MICAL2: variants seen among roughly 807,000 people sequenced by gnomAD.
MICAL2 encodes microtubule associated monooxygenase, calponin and LIM domain containing 2, also known as [F-actin]-monooxygenase MICAL2.
Under a neutral mutation model 127.3 loss-of-function variants are expected in MICAL2, and 77 were observed. The observed-to-expected ratio is 0.60, with a 90% confidence interval of 0.50 to 0.73. The LOEUF (loss-of-function observed/expected upper bound fraction) is 0.73, where lower values mean the gene tolerates loss of function less well. MICAL2 is among the 30% of genes least tolerant of loss of function. The pLI, the probability that MICAL2 is intolerant of heterozygous loss-of-function variation, is 0.00. For missense variants in MICAL2, 1,351 were observed against 1,434.4 expected (o/e 0.94, Z 0.94); for synonymous variants, 570 against 551.1 (o/e 1.03, Z -0.48).
chr11:12,158,396 T>C (rs557131556), intron 2 of MICAL2, among the ~76,000 whole-genome samples: 6 of 152,096 alleles, frequency 3.9e-5, no homozygotes, highest in African/African-American at 7.2e-5. Context: ...ACATACATGA[T>C]CTCACTGATT....
chr11:12,346,218 C>T (rs145307606), intron 32 of MICAL2, among the ~76,000 whole-genome samples: 28 of 152,300 alleles, frequency 1.8e-4, no homozygotes, highest in African/African-American at 6.0e-4. Flanking sequence ...TGCACTGGCT[C>T]ATGGCTGGAC....
intron 1 of MICAL2, among the ~76,000 whole-genome samples, chr11:12,133,818 C>A (rs1284937554): frequency 1.3e-5 from 2 of 152,192 alleles, no homozygotes; most frequent in Non-Finnish European, 2.9e-5. Flanking sequence ...CAAGGATGCA[C>A]CTGAGCTGTC....
exon 2 of MICAL2, chr11:12,280,970 T>C: frequency 2.5e-6 from 1 of 398,972 alleles, no homozygotes; most frequent in Non-Finnish European, 4.4e-6. Flanking sequence ...CAGCGAGGGC[T>C]CCCACACAGA....
intron 15 of MICAL2, among the ~76,000 whole-genome samples, chr11:12,230,266 C>A (rs766575687): frequency 1.3e-5 from 2 of 152,202 alleles, no homozygotes; most frequent in African/African-American, 4.8e-5. Context: ...GAGTCCACCT[C>A]GGTCTGGTCC....
intron 1 of MICAL2, among the ~76,000 whole-genome samples, chr11:12,127,749 CAT>C (rs1231129022): frequency 6.6e-6 from 1 of 152,132 alleles, no homozygotes; most frequent in East Asian, 1.9e-4. Flanking sequence ...AGAGGAGTGA[CAT>C]GTGTGGGGAG....
intron 1 of MICAL2, among the ~76,000 whole-genome samples, chr11:12,129,442 G>A (rs906582806): frequency 1.3e-4 from 20 of 152,200 alleles, no homozygotes. Context: ...GCTCCAAAAC[G>A]TGCAAGTGGA....
intron 16 of MICAL2, among the ~76,000 whole-genome samples, chr11:12,237,174 T>C (rs889794056): frequency 1.3e-5 from 2 of 152,232 alleles, no homozygotes; most frequent in African/African-American, 4.8e-5. Context: ...CAACCCATTA[T>C]CTGTGATGGT....
intron 1 of MICAL2, among the ~76,000 whole-genome samples, chr11:12,280,373 A>G (rs1863759707): frequency 6.6e-6 from 1 of 152,174 alleles, no homozygotes; most frequent in South Asian, 2.1e-4. Flanking sequence ...CTCTGAGCCA[A>G]GCCTGTATTG....
intron 3 of MICAL2, among the ~76,000 whole-genome samples, chr11:12,195,621 A>T (rs990732141): frequency 6.6e-6 from 1 of 152,186 alleles, no homozygotes; most frequent in Non-Finnish European, 1.5e-5. Flanking sequence ...AAATATTTAC[A>T]AATGTTTAAA....
chr11:12,126,175 G>A (rs767919922), intron 1 of MICAL2, among the ~76,000 whole-genome samples: 10 of 152,206 alleles, frequency 6.6e-5, no homozygotes, highest in Non-Finnish European at 1.2e-4. Flanking sequence ...CTGTAATCTC[G>A]GTTTAGTGAT....
chr11:12,217,570 G>T (rs1293250658), intron 8 of MICAL2, among the ~76,000 whole-genome samples: 2 of 152,170 alleles, frequency 1.3e-5, no homozygotes, highest in Non-Finnish European at 2.9e-5. Context: ...TGAAACTGGG[G>T]GGTGCAGGGG....
chr11:12,291,971 C>T (rs1863908919), downstream of MICAL2, among the ~76,000 whole-genome samples: 1 of 152,230 alleles, frequency 6.6e-6, no homozygotes, highest in South Asian at 2.1e-4. Flanking sequence ...CCTGCCACTG[C>T]TCTACCCATT....
Position 12,256,939 on chromosome 11 carries a change from G to C in MICAL2, c.3110G>C (p.Arg1037Pro). 6 of 1,613,860 alleles carry C rather than the reference G, an allele frequency of 3.7e-6. No individual in the cohort carries two copies. The highest frequency in any genetic ancestry group is 5.1e-6 in the Non-Finnish European group (6 of 1,179,904). ...FRCSICATTL[R>P]LAAYTFDCDE... ...TGCAGCATCTGTGCCACCACCTTGC[G>C]CCTGGCCGCCTACACCTTTGACTGC... The change falls in exon 24 of 28, where the codon CGC (arginine) becomes CCC (proline). Residue 1037 changes from arginine (R) to proline (P), a missense_variant. Coordinates refer to ENST00000683283, the MANE Select transcript of MICAL2 (RefSeq NM_001282663.2).
In MICAL2 at chr11:12,345,082, A is replaced by T. The variant is rs1013320634; in HGVS notation, c.5516-4756A>T. On this transcript the variant is annotated intron_variant, in intron 32 of 34. Transcript: ENST00000646065. ...AGCCGAGATTGCGCCACTGCACTCC[A>T]GCCTGGGCGACAGAGCGAGACGAGA... is the stretch of plus-strand genomic sequence containing the variant. 5.9e-5 allele frequency among the ~76,000 whole-genome samples: 9 copies of T among 151,516 alleles called. 1 individual carries two copies. In the South Asian group the frequency reaches 1.7e-3, roughly 28 times the overall value.
chr11:12,320,973 G>GC (rs147842872), intron 30 of MICAL2, among the ~76,000 whole-genome samples: 6,386 of 152,056 alleles, frequency 0.042, 224 homozygotes, highest in Admixed American at 0.11. Context: ...TTTTCTTACT[G>GC]CCCCTCTCAT....
rs1860361578 is a variant in MICAL2 at position 12,244,090 on chromosome 11, ACT to A, written c.2765_2766del (p.Ser922CysfsTer42). ...GCTTCTTCCTCTCCATCAACTGTTG[ACT>A]CTGCTTCTCCTGCCAGAAAGGTAGT... On this transcript the variant is annotated frameshift_variant, in exon 21 of 28. Coordinates refer to ENST00000683283, the MANE Select transcript of MICAL2 (RefSeq NM_001282663.2). LOFTEE classifies it high-confidence loss of function. 1 of 1,613,622 alleles carries A rather than the reference ACT, an allele frequency of 6.2e-7. No individual in the cohort carries two copies. Among genetic ancestry groups the A allele is most frequent in the Non-Finnish European group, 8.5e-7 (1 of 1,179,914 alleles).
At chr11:12,200,329 G>A (rs1293688019) in intron 3 of MICAL2, among the ~76,000 whole-genome samples, 1 of 152,194 alleles carries the variant, frequency 6.6e-6, no homozygotes, top group Non-Finnish European at 1.5e-5. Flanking sequence ...CTGGGTCTGA[G>A]GAAAGAGCTC....
At chr11:12,331,772 G>T (rs531581452) in intron 32 of MICAL2, among the ~76,000 whole-genome samples, 1 of 152,318 alleles carries the variant, frequency 6.6e-6, no homozygotes, top group South Asian at 2.1e-4. Flanking sequence ...AAGAAAAGAT[G>T]AAGTGAAATA....
chr11:12,295,930 C>T (rs939171715), downstream of MICAL2, among the ~76,000 whole-genome samples: 3 of 152,022 alleles, frequency 2.0e-5, no homozygotes, highest in African/African-American at 7.2e-5. Context: ...TCCCTTTAAA[C>T]TCCTAGCCTA....
Sources: gnomAD v4.1 joint callset for allele counts (sites outside exome capture counted in the v4.1 genomes callset) on GRCh38, gnomAD v4.1.1 for gene constraint, MANE v1.5 for transcripts, NCBI Gene and HGNC (gene_info 2026-07-23, HGNC 2026-07-21) for gene names.